The following ZRANB3 variants were observed in gnomAD, a reference collection of about 807,000 sequenced individuals.
The protein encoded by ZRANB3 is zinc finger RANBP2-type containing 3, also known as DNA annealing helicase and endonuclease ZRANB3.
A neutral mutation model predicts 133.8 loss-of-function variants in ZRANB3; 125 were observed. That is an observed-to-expected ratio of 0.93 (90% CI 0.81 to 1.08). ZRANB3 has a LOEUF of 1.08. Ranked by LOEUF, ZRANB3 falls within the 50% of genes least tolerant of loss-of-function variation. ZRANB3 has a pLI of 0.00. For missense variants in ZRANB3, 1,229 were observed against 1,275.5 expected (o/e 0.96, Z 0.56); for synonymous variants, 387 against 432.7 (o/e 0.89, Z 1.31).
intron 3 of ZRANB3, among the ~76,000 whole-genome samples, chr2:135,379,000 C>G (rs1258959744): frequency 6.6e-6 from 1 of 151,922 alleles, no homozygotes; most frequent in African/African-American, 2.4e-5. Flanking sequence ...GAGAGAAAAA[C>G]TGAGAAAACC....
At chr2:135,300,823 T>C (rs1682390208) in intron 8 of ZRANB3, among the ~76,000 whole-genome samples, 1 of 152,214 alleles carries the variant, frequency 6.6e-6, no homozygotes, top group Non-Finnish European at 1.5e-5. Context: ...CTATTAGTTA[T>C]TGCTTCCAAT....
intron 17 of ZRANB3, among the ~76,000 whole-genome samples, chr2:135,212,899 A>C (rs181936353): frequency 6.6e-6 from 1 of 152,234 alleles, no homozygotes; most frequent in African/African-American, 2.4e-5. Context: ...CAGGGCTCCA[A>C]GTGAATTAGG....
At chr2:135,425,730 A>G (rs996752238) in intron 2 of ZRANB3, among the ~76,000 whole-genome samples, 5 of 152,198 alleles carry the variant, frequency 3.3e-5, no homozygotes, top group African/African-American at 1.2e-4. Flanking sequence ...AAACACCCAC[A>G]TCAAAAAGTT....
At chr2:135,283,020 C>T (rs185023120) in intron 8 of ZRANB3, among the ~76,000 whole-genome samples, 1 of 152,316 alleles carries the variant, frequency 6.6e-6, no homozygotes, top group African/African-American at 2.4e-5. Context: ...CACAGCGACA[C>T]ATGTTTATAA....
At chr2:135,294,582 G>A (rs1681938294) in intron 8 of ZRANB3, among the ~76,000 whole-genome samples, 1 of 151,904 alleles carries the variant, frequency 6.6e-6, no homozygotes. Flanking sequence ...AGGGTTTTTT[G>A]TGTCTCTATT....
At chr2:135,220,949 C>T (rs931323705) in intron 15 of ZRANB3, among the ~76,000 whole-genome samples, 1 of 151,254 alleles carries the variant, frequency 6.6e-6, no homozygotes, top group Non-Finnish European at 1.5e-5. Context: ...CTGTACCTCC[C>T]GGGTTCAAGC....
intron 11 of ZRANB3, 58 bp downstream of exon 11, chr2:135,268,904 A>C: frequency 7.4e-6 from 11 of 1,494,278 alleles, no homozygotes; most frequent in Non-Finnish European, 9.0e-6. Flanking sequence ...CTCTTAACTC[A>C]CATTGGCTAT....
chr2:135,212,302 C>G (rs1008375717), intron 17 of ZRANB3, among the ~76,000 whole-genome samples: 7 of 152,202 alleles, frequency 4.6e-5, no homozygotes, highest in African/African-American at 1.7e-4. Flanking sequence ...TTTCTTCAAC[C>G]ATTTTATTCC....
chr2:135,328,145 C>T (rs568187777), intron 6 of ZRANB3, among the ~76,000 whole-genome samples: 1 of 151,730 alleles, frequency 6.6e-6, no homozygotes, highest in Non-Finnish European at 1.5e-5. Flanking sequence ...TTACATGTGC[C>T]ACGTTGGTTT....
At chr2:135,238,943 G>A (rs1189505080) in intron 12 of ZRANB3, 1 of 152,124 alleles carries the variant, frequency 6.6e-6, no homozygotes, top group Non-Finnish European at 1.5e-5. Context: ...CTTCCATCAA[G>A]GGCCACAGTC....
At chr2:135,281,928 T>G (rs969331218) in intron 8 of ZRANB3, among the ~76,000 whole-genome samples, 33 of 152,218 alleles carry the variant, frequency 2.2e-4, no homozygotes, top group African/African-American at 8.0e-4. Flanking sequence ...TTTGACTCTT[T>G]TGGACGTTCC....
intron 1 of ZRANB3, among the ~76,000 whole-genome samples, chr2:135,512,580 T>G (rs1312198498): frequency 6.6e-6 from 1 of 151,762 alleles, no homozygotes; most frequent in Non-Finnish European, 1.5e-5. Flanking sequence ...ATTTACATGT[T>G]GCTTTTAAAA....
chr2:135,200,304 T>C lies in ZRANB3; in HGVS notation c.*38A>G, dbSNP rs1247617892. 2 of 1,508,896 alleles carry C rather than the reference T, an allele frequency of 1.3e-6. No homozygotes were observed. Among genetic ancestry groups the C allele is most frequent in the Admixed American group, 2.0e-5 (1 of 51,026 alleles). 93.5% of individuals were successfully genotyped at this position (1,508,896 alleles called of 1,614,324 possible). A position where few individuals can be genotyped will look rare whatever the true frequency, so the allele number is the denominator to read the frequency against. ...AACTTCTGTATTAAAGTCTTCCACATGTAAACCATTTGTCATTCATTCATA... is the reference window on the plus strand; with the variant it reads ...AACTTCTGTATTAAAGTCTTCCACACGTAAACCATTTGTCATTCATTCATA... On this transcript the variant is annotated 3_prime_UTR_variant, in exon 21 of 21. Coordinates refer to ENST00000264159, the MANE Select transcript of ZRANB3 (RefSeq NM_032143.4).
At chr2:135,294,049 A>G (rs984121084) in intron 8 of ZRANB3, among the ~76,000 whole-genome samples, 4 of 152,180 alleles carry the variant, frequency 2.6e-5, no homozygotes, top group Non-Finnish European at 5.9e-5. Context: ...ATATTGGTTT[A>G]AAATTCTCAT....
rs376550690 is a variant in ZRANB3 at position 135,345,567 on chromosome 2, G to C, written c.660C>G (p.Tyr220Ter). ...FGRWTDYAKR[Y>*]CNAHIRYFGK... Reference sequence around the variant, plus strand: ...TAACTTACCTGATGTGTGCATTACAGTATCTTTTTGCATAGTCGGTCCATC... The same window carrying C: ...TAACTTACCTGATGTGTGCATTACACTATCTTTTTGCATAGTCGGTCCATC... The change falls in exon 6 of 21, where the codon TAC becomes TAG. Residue 220 changes from tyrosine (Y) to a stop codon, truncating the protein, a stop_gained. Coordinates refer to ENST00000264159, the MANE Select transcript of ZRANB3 (RefSeq NM_032143.4). LOFTEE classifies it high-confidence loss of function. The C allele has an allele frequency of 6.2e-6, 10 of 1,612,070 alleles. No homozygotes were observed. Among genetic ancestry groups the C allele is most frequent in the Non-Finnish European group, 5.9e-6 (7 of 1,178,950 alleles).
Position 135,353,519 on chromosome 2 carries a change from T to C in ZRANB3, c.290A>G (p.Glu97Gly). 1 of 1,610,558 alleles carries C rather than the reference T, an allele frequency of 6.2e-7. No homozygotes were observed. The highest frequency in any genetic ancestry group is 1.3e-5 in the African/African-American group (1 of 74,958). ...PSSLRYPWTE[E>G]IEKWIPELSP... ...TAGCTCTGGGATCCATTTTTCAATT[T>C]CTTCTGTCCAAGGGTACCTCAGAGA... is the stretch of plus-strand genomic sequence containing the variant. The change falls in exon 4 of 21, where the codon GAA (glutamate) becomes GGA (glycine). Residue 97 changes from glutamate to glycine, a missense_variant. Coordinates refer to ENST00000264159, the MANE Select transcript of ZRANB3 (RefSeq NM_032143.4).
chr2:135,454,376 G>T (rs959705102), intron 2 of ZRANB3, among the ~76,000 whole-genome samples: 1 of 151,906 alleles, frequency 6.6e-6, no homozygotes, highest in Non-Finnish European at 1.5e-5. Flanking sequence ...TAGTGACCAG[G>T]CTCTCATTAT....
chr2:135,343,940 C>T (rs931374464), intron 6 of ZRANB3, among the ~76,000 whole-genome samples: 1 of 151,668 alleles, frequency 6.6e-6, no homozygotes, highest in African/African-American at 2.4e-5. Context: ...AAAGCTATAC[C>T]TTCCGTGGAG....
chr2:135,298,473 C>T (rs1341849579), intron 8 of ZRANB3, among the ~76,000 whole-genome samples: 2 of 152,094 alleles, frequency 1.3e-5, no homozygotes, highest in Non-Finnish European at 2.9e-5. Flanking sequence ...ATCTGGGGCT[C>T]AAGGGTTGCT....
Sources: gnomAD v4.1 joint callset for allele counts (sites outside exome capture counted in the v4.1 genomes callset) on GRCh38, gnomAD v4.1.1 for gene constraint, MANE v1.5 for transcripts, NCBI Gene and HGNC (gene_info 2026-07-23, HGNC 2026-07-21) for gene names.